NUGGC: variants seen among roughly 807,000 people sequenced by gnomAD.
NUGGC encodes nuclear GTPase SLIP-GC.
Under a neutral mutation model 92.6 loss-of-function variants are expected in NUGGC, and 58 were observed. That is an observed-to-expected ratio of 0.63 (90% CI 0.51 to 0.78). NUGGC has a LOEUF of 0.78. NUGGC is among the 30% of genes least tolerant of loss of function. The pLI is 0.00. For missense variants in NUGGC, 925 were observed against 964.6 expected (o/e 0.96, Z 0.54); for synonymous variants, 376 against 366.4 (o/e 1.03, Z -0.30).
intron 2 of NUGGC, among the ~76,000 whole-genome samples, chr8:28,071,324 G>A (rs546996212): frequency 5.3e-5 from 8 of 152,226 alleles, no homozygotes; most frequent in East Asian, 1.9e-4. Context: ...GAAAGAAAGC[G>A]ACTAGAAGCA....
At chr8:28,026,391 T>A (rs1809260466) in intron 18 of NUGGC, among the ~76,000 whole-genome samples, 1 of 152,198 alleles carries the variant, frequency 6.6e-6, no homozygotes, top group Non-Finnish European at 1.5e-5. Context: ...ATGGAGCCCA[T>A]GGCCTGAAAG....
intron 1 of NUGGC, among the ~76,000 whole-genome samples, chr8:28,078,985 G>C (rs1451035221): frequency 6.6e-6 from 1 of 152,182 alleles, no homozygotes; most frequent in East Asian, 1.9e-4. Flanking sequence ...TTTGCTTTTA[G>C]TGCTTATTTA....
intron 13 of NUGGC, among the ~76,000 whole-genome samples, chr8:28,035,022 A>T (rs1266495221): frequency 6.6e-6 from 1 of 152,196 alleles, no homozygotes; most frequent in Non-Finnish European, 1.5e-5. Context: ...CACCTTGGGC[A>T]TGTTTGTAGT....
At chr8:28,075,090 C>T (rs1168455506) in intron 1 of NUGGC, among the ~76,000 whole-genome samples, 2 of 152,286 alleles carry the variant, frequency 1.3e-5, no homozygotes, top group South Asian at 2.1e-4. Context: ...TGGGGCAAGG[C>T]TTGAACCCTG....
chr8:28,049,984 G>A (rs894128649), intron 10 of NUGGC, among the ~76,000 whole-genome samples: 9 of 152,144 alleles, frequency 5.9e-5, no homozygotes, highest in Non-Finnish European at 1.0e-4. Flanking sequence ...CTACTCGGGA[G>A]GCTGAAGCAG....
chr8:28,029,183 A>C, intron 17 of NUGGC, 83 bp downstream of exon 17: 3 of 1,431,486 alleles, frequency 2.1e-6, no homozygotes, highest in Non-Finnish European at 2.9e-6. Flanking sequence ...AATGCCTACT[A>C]TGCCTTCCAC....
chr8:28,054,095 T>C (rs113997450), intron 10 of NUGGC, among the ~76,000 whole-genome samples: 2 of 152,238 alleles, frequency 1.3e-5, no homozygotes, highest in Non-Finnish European at 2.9e-5. Flanking sequence ...CAGCCAAACA[T>C]ATCATCTGTC....
rs1042329818 is a variant in NUGGC at position 28,057,135 on chromosome 8, T to C, written c.1117-1081A>G. 1.8e-4 allele frequency among the ~76,000 whole-genome samples: 28 copies of C among 152,156 alleles called. 1 individual carries two copies. The highest frequency in any genetic ancestry group is 6.8e-4 in the African/African-American group (28 of 41,430). ...CAGTGATCCTGGAGGGGCTCCCAAG[T>C]AGCAGAGAAAAGTCATGACATTACA... On this transcript the variant is annotated intron_variant, in intron 9 of 18. Transcript: ENST00000413272.
chr8:28,051,713 G>A lies in NUGGC; in HGVS notation c.1207-4101C>T, dbSNP rs185346833. On this transcript the variant is annotated intron_variant, in intron 10 of 18. Coordinates refer to ENST00000413272, the MANE Select transcript of NUGGC (RefSeq NM_001010906.2). ...GGCTGAGGGCAGATCACCTGAGGTC[G>A]GGAGTTTGAGACCAGCCTGACCAGC... Among the ~76,000 whole-genome samples the A allele has an allele frequency of 1.6e-3, 239 of 152,166 alleles. 1 individual carries two copies. Among genetic ancestry groups the A allele is most frequent in the African/African-American group, 5.4e-3 (225 of 41,514 alleles).
At position 28,030,372 on chromosome 8, in the gene NUGGC, T is replaced by C. The variant is rs1309835547; in HGVS notation, c.1955A>G (p.Lys652Arg). ...GGLEDHILRR[K>R]RRIYESLTAS... Reference sequence around the variant, plus strand: ...AGTGAGGGACTCGTAGATCCTCCTCTTCCTTCTGAGGATGTGGTCCTCCAG... The same window carrying C: ...AGTGAGGGACTCGTAGATCCTCCTCCTCCTTCTGAGGATGTGGTCCTCCAG... The change falls in exon 16 of 19, where the codon AAG (lysine) becomes AGG (arginine). Residue 652 changes from lysine to arginine, a missense_variant. Coordinates refer to ENST00000413272, the MANE Select transcript of NUGGC (RefSeq NM_001010906.2). 2 of 1,582,150 alleles carry C rather than the reference T, an allele frequency of 1.3e-6. No homozygotes were observed. The highest frequency in any genetic ancestry group is 1.7e-6 in the Non-Finnish European group (2 of 1,162,796).
At chr8:28,060,082 G>A (rs1436993322) in intron 8 of NUGGC, among the ~76,000 whole-genome samples, 2 of 151,486 alleles carry the variant, frequency 1.3e-5, no homozygotes, top group Non-Finnish European at 2.9e-5. Context: ...AGTTATGGGG[G>A]CATCTACACT....
chr8:28,060,918 T>C (rs1425394605), intron 7 of NUGGC, among the ~76,000 whole-genome samples: 2 of 152,206 alleles, frequency 1.3e-5, no homozygotes, highest in African/African-American at 4.8e-5. Context: ...ACACAGTGAC[T>C]GCACCAGGTC....
At chr8:28,068,484 G>C (rs1040112249) in intron 4 of NUGGC, 46 bp from the exon 5 acceptor site, 98 of 1,320,754 alleles carry the variant, frequency 7.4e-5, no homozygotes, top group Non-Finnish European at 1.0e-4. Context: ...TCAAAGTTTA[G>C]AGTGAAGAGC....
At chr8:28,041,003 G>C (rs549597691) in intron 13 of NUGGC, 48 bp downstream of exon 13, 1 of 1,524,222 alleles carries the variant, frequency 6.6e-7, no homozygotes, top group Non-Finnish European at 8.9e-7. Flanking sequence ...CTTGGGGATC[G>C]GGCAGGCCTC....
chr8:28,027,380 A>G (rs1274905038), intron 17 of NUGGC, among the ~76,000 whole-genome samples: 1 of 152,178 alleles, frequency 6.6e-6, no homozygotes, highest in Admixed American at 6.5e-5. Flanking sequence ...GAGAATGGCA[A>G]TCACAGAGAT....
chr8:28,066,052 C>T (rs947504083), intron 6 of NUGGC, among the ~76,000 whole-genome samples: 8 of 152,072 alleles, frequency 5.3e-5, no homozygotes, highest in Non-Finnish European at 1.0e-4. Flanking sequence ...GCCCACTCAT[C>T]GAGATGGTAA....
At chr8:28,064,776 C>T (rs1810396046) in intron 6 of NUGGC, 45 bp from the exon 7 acceptor site, 3 of 1,533,534 alleles carry the variant, frequency 2.0e-6, no homozygotes, top group Non-Finnish European at 2.7e-6. Context: ...ATGCACCCAG[C>T]TCTGTTCACC....
chr8:28,061,440 A>G (rs1213069391), intron 7 of NUGGC, among the ~76,000 whole-genome samples: 1 of 152,150 alleles, frequency 6.6e-6, no homozygotes. Context: ...CAACTCAGGG[A>G]TTGAGTTTAT....
chr8:28,067,468 C>G (rs1452214989), intron 6 of NUGGC, 46 bp downstream of exon 6: 1 of 1,277,100 alleles, frequency 7.8e-7, no homozygotes, highest in Admixed American at 2.0e-5. Flanking sequence ...AACTGTTAGA[C>G]TTGAGACCCA....
Sources: gnomAD v4.1 joint callset for allele counts (sites outside exome capture counted in the v4.1 genomes callset) on GRCh38, gnomAD v4.1.1 for gene constraint, MANE v1.5 for transcripts, NCBI Gene and HGNC (gene_info 2026-07-23, HGNC 2026-07-21) for gene names.